ANK2: variants seen among roughly 807,000 people sequenced by gnomAD.
The protein encoded by ANK2 is ankyrin 2, also known as ankyrin-2.
Under a neutral mutation model 360.5 loss-of-function variants are expected in ANK2, and 83 were observed. The observed-to-expected ratio is 0.23, with a 90% CI of 0.19 to 0.28. The LOEUF (loss-of-function observed/expected upper bound fraction) is 0.28, where lower values mean the gene tolerates loss of function less well. Ranked by LOEUF, ANK2 falls within the 10% of genes least tolerant of loss-of-function variation. ANK2 has a pLI of 1.00. For synonymous variants in ANK2, 1,740 were observed against 1,759.5 expected, an observed-to-expected ratio of 0.99 and a Z score of 0.28; for missense variants, 4,201 against 4,795.7, an observed-to-expected ratio of 0.88 and a Z score of 3.66.
chr4:112,801,119 A>G, the ANK2 span, among the ~76,000 whole-genome samples: 1 of 152,192 alleles, frequency 6.6e-6, no homozygotes, highest in Non-Finnish European at 1.5e-5. Flanking sequence ...ATTCAGAATG[A>G]GGAGGGCATA....
chr4:113,298,281 G>A (rs1182520653), intron 22 of ANK2, among the ~76,000 whole-genome samples: 1 of 152,096 alleles, frequency 6.6e-6, no homozygotes, highest in Non-Finnish European at 1.5e-5. Flanking sequence ...ATATTAATAT[G>A]TATGATTGGT....
At chr4:112,882,205 AT>A (rs898723384) in intron 1 of ANK2, 135 of 168,336 alleles carry the variant, frequency 8.0e-4, no homozygotes, top group African/African-American at 2.8e-3. Context: ...GCAGCCCTTG[AT>A]TTTTTTTTAA....
chr4:113,151,212 A>AT (rs2097067178), intron 1 of ANK2: 1 of 1,112,900 alleles, frequency 9.0e-7, no homozygotes, highest in African/African-American at 1.6e-5. Context: ...CAAAAAAGGA[A>AT]TGTACCCTTA....
chr4:113,034,650 T>C (rs985426608), intron 2 of ANK2: 3 of 152,010 alleles, frequency 2.0e-5, no homozygotes, highest in Non-Finnish European at 4.4e-5. Flanking sequence ...ATTGACAATC[T>C]TTCTGGGAAA....
chr4:113,266,199 A>T (rs2055935488), intron 14 of ANK2, among the ~76,000 whole-genome samples: 1 of 152,106 alleles, frequency 6.6e-6, no homozygotes, highest in African/African-American at 2.4e-5. Context: ...GAGTGAGAAC[A>T]TGCAGTGTTT....
Position 113,373,112 on chromosome 4 carries a change from C to T in ANK2, c.11633C>T (p.Pro3878Leu). Reference sequence around the variant, plus strand: ...TAGGGAGACGATATGCCTGAAATACCCCCAGAAACAGTCACAGAAGAAGAA... The same window carrying T: ...TAGGGAGACGATATGCCTGAAATACTCCCAGAAACAGTCACAGAAGAAGAA... ...FEKGDDMPEI[P>L]PETVTEEEYI... Residue 3878 changes from proline (P) to leucine (L), a missense_variant, in exon 44 of 46, where the codon CCC becomes CTC. This residue lies in a region of ANK2 where 2,642 missense variants were observed against 2,714.5 expected (regional missense o/e 0.97). Coordinates refer to ENST00000357077, the MANE Select transcript of ANK2 (RefSeq NM_001148.6). The T allele has an allele frequency of 6.2e-7, 1 of 1,614,002 alleles. No individual in the cohort carries two copies. Among genetic ancestry groups the T allele is most frequent in the African/African-American group, 1.3e-5 (1 of 74,980 alleles).
chr4:112,866,684 C>T (rs577589233), intron 1 of ANK2, among the ~76,000 whole-genome samples: 2 of 151,722 alleles, frequency 1.3e-5, no homozygotes, highest in East Asian at 3.9e-4. Flanking sequence ...TGTTTTTTCT[C>T]GTGTTATTTT....
At chr4:113,107,969 G>C (rs1375318460) in intron 1 of ANK2, among the ~76,000 whole-genome samples, 1 of 152,112 alleles carries the variant, frequency 6.6e-6, no homozygotes, top group African/African-American at 2.4e-5. Flanking sequence ...TAATAAAAAA[G>C]ATGGTTAAAG....
intron 5 of ANK2, among the ~76,000 whole-genome samples, chr4:113,234,526 C>T (rs989068046): frequency 7.2e-5 from 11 of 151,948 alleles, no homozygotes; most frequent in Admixed American, 1.3e-4. Context: ...ATTCCTTTTT[C>T]GTGCATCATT....
intron 2 of ANK2, among the ~76,000 whole-genome samples, chr4:112,974,096 C>T (rs2040529130): frequency 1.3e-5 from 2 of 152,104 alleles, no homozygotes; most frequent in South Asian, 4.2e-4. Context: ...TGGAAAGAGG[C>T]CAGGAGACCC....
chr4:113,242,245 T>G (rs940647436), intron 9 of ANK2, 36 bp downstream of exon 9: 2 of 1,580,470 alleles, frequency 1.3e-6, no homozygotes, highest in Middle Eastern at 1.7e-4. Flanking sequence ...TCTACCATTA[T>G]TATTTCTTTC....
Position 113,354,524 on chromosome 4 carries a change from C to G in ANK2, c.5906C>G (p.Thr1969Arg). The change falls in exon 38 of 46, where the codon ACA (threonine) becomes AGA (arginine). Residue 1969 changes from threonine to arginine, a missense_variant. By Grantham distance (71) the Thr-to-Arg change is moderately conservative. This residue lies in a region of ANK2 where 2,642 missense variants were observed against 2,714.5 expected (regional missense o/e 0.97). Transcript: ENST00000357077. ...CTGCCTGTGTCACCTTCTGGCAAAA[C>G]AGAAAAGCAACCACCTGTATCCCCC... is the stretch of plus-strand genomic sequence containing the variant. Reference protein sequence around the residue: ...KHLPVSPSGKTEKQPPVSPTS... With the variant: ...KHLPVSPSGKREKQPPVSPTS... The G allele has an allele frequency of 6.2e-7, 1 of 1,614,138 alleles. No individual in the cohort carries two copies. Among genetic ancestry groups the G allele is most frequent in the Non-Finnish European group, 8.5e-7 (1 of 1,179,996 alleles).
At position 113,198,533 on chromosome 4, in the gene ANK2, A is replaced by G. The variant is rs117486864; in HGVS notation, c.286-478A>G. Among the ~76,000 whole-genome samples, 1,392 of 152,270 alleles carry G rather than the reference A, an allele frequency of 9.1e-3. 91 individuals carry two copies. The highest frequency in any genetic ancestry group is 0.08 in the Admixed American group (1,229 of 15,278). On this transcript the variant is annotated intron_variant, in intron 3 of 45. Transcript: ENST00000357077. ...GTAAAATTTATTTTTCTTATTCCCA[A>G]CATATTCTCAAGTGCCCCAGTAGCT...
At chr4:112,791,575 G>A in the ANK2 span, among the ~76,000 whole-genome samples, 21 of 141,842 alleles carry the variant, frequency 1.5e-4, no homozygotes, top group African/African-American at 4.4e-4. Context: ...TGCAAGCTCC[G>A]CCTCCCGGGT....
chr4:112,878,155 C>CATCTATCT (rs10525579), intron 1 of ANK2, among the ~76,000 whole-genome samples: 7,309 of 147,606 alleles, frequency 0.05, 260 homozygotes, highest in Non-Finnish European at 0.075. Context: ...ACTTTAGACT[C>CATCTATCT]ATCTATCTAT....
intron 1 of ANK2, among the ~76,000 whole-genome samples, chr4:113,123,229 G>C (rs933588065): frequency 6.6e-6 from 1 of 151,354 alleles, no homozygotes; most frequent in Admixed American, 6.6e-5. Flanking sequence ...TAATTCTTTC[G>C]TTACCTTTAT....
At chr4:112,855,520 G>C (rs1005167687) in intron 1 of ANK2, among the ~76,000 whole-genome samples, 3 of 152,030 alleles carry the variant, frequency 2.0e-5, no homozygotes, top group Admixed American at 1.3e-4. Flanking sequence ...CAATTTTGTA[G>C]AATACAGTCT....
At chr4:113,120,975 A>G (rs1257878247) in intron 1 of ANK2, among the ~76,000 whole-genome samples, 1 of 152,220 alleles carries the variant, frequency 6.6e-6, no homozygotes, top group Non-Finnish European at 1.5e-5. Context: ...CATAATGTCT[A>G]CAATACTCAC....
intron 5 of ANK2, among the ~76,000 whole-genome samples, chr4:113,233,888 C>CT (rs1240460966): frequency 6.6e-6 from 1 of 152,084 alleles, no homozygotes; most frequent in Non-Finnish European, 1.5e-5. Context: ...GATTTGGGAC[C>CT]TTTTTTTCCC....
Sources: allele counts gnomAD v4.1 joint callset (sites outside exome capture counted in the v4.1 genomes callset), GRCh38; gene constraint gnomAD v4.1.1; regional missense constraint gnomAD v4.1.1; transcripts MANE v1.5; gene names NCBI Gene and HGNC (gene_info 2026-07-23, HGNC 2026-07-21).